ADAM12: variants seen among roughly 807,000 people sequenced by gnomAD.
The protein encoded by ADAM12 is ADAM metallopeptidase domain 12, also known as disintegrin and metalloproteinase domain-containing protein 12.
ADAM12 carries 70 observed loss-of-function variants against 106.4 expected under a neutral mutation model. The ratio of observed to expected loss-of-function variants is 0.66; its 90% CI spans 0.54 to 0.80. The LOEUF is 0.80. Among genes scored for constraint, ADAM12 ranks in the 30% least tolerant of loss-of-function variants. The pLI, the probability that ADAM12 is intolerant of heterozygous loss-of-function variation, is 0.00. For synonymous variants in ADAM12, 420 were observed against 433.5 expected (o/e 0.97, Z 0.39); for missense variants, 1,010 against 1,171.9 (o/e 0.86, Z 2.02).
rs529676933 is a variant in ADAM12, at chr10:126,250,307, C to A, written c.260+28608G>T. On this transcript the variant is annotated intron_variant, in intron 3 of 22. Coordinates refer to ENST00000448723, the MANE Select transcript of ADAM12 (RefSeq NM_001288973.2). ...AACATTTATAGATAAGATTTGAGAACAAACAGTGCTCTCTAAGATAAACCA... is the reference window on the plus strand; with the variant it reads ...AACATTTATAGATAAGATTTGAGAAAAAACAGTGCTCTCTAAGATAAACCA... 3.9e-5 allele frequency among the ~76,000 whole-genome samples: 6 copies of A among 152,270 alleles called. No homozygotes were observed. The South Asian group carries it at 1.0e-3, about 26-fold the overall frequency.
chr10:126,352,457 A>G (rs1027300097), intron 1 of ADAM12, among the ~76,000 whole-genome samples: 4 of 152,260 alleles, frequency 2.6e-5, no homozygotes, highest in Non-Finnish European at 5.9e-5. Context: ...ATAAACTAAG[A>G]AAAGCAAACC....
In ADAM12 at chr10:126,017,288, A is replaced by G. The variant is rs770138209; in HGVS notation, c.2712T>C (p.Tyr904=). The G allele has an allele frequency of 4.1e-5, 65 of 1,594,910 alleles. No homozygotes were observed. Among genetic ancestry groups the G allele is most frequent in the Non-Finnish European group, 5.3e-5 (62 of 1,170,106 alleles). Residue 904 remains tyrosine, a synonymous_variant, in exon 23 of 23, where the codon TAT becomes TAC. Coordinates refer to ENST00000448723, the MANE Select transcript of ADAM12 (RefSeq NM_001288973.2). ...AAAAGGTGTCGGCTTCTCACTTAAT[A>G]TAGGCGGTGTGGGTGGATCTGGGCA... ...HQVPRSTHTA[Y]IK is the part of the protein sequence containing the mutation.
At chr10:126,313,659 C>T (rs1024902802) in intron 2 of ADAM12, among the ~76,000 whole-genome samples, 1 of 152,144 alleles carries the variant, frequency 6.6e-6, no homozygotes, top group Non-Finnish European at 1.5e-5. Context: ...ATCCGTCGAT[C>T]TGTCTGTCTG....
chr10:126,322,341 C>T (rs549112065), intron 2 of ADAM12, among the ~76,000 whole-genome samples: 13 of 152,326 alleles, frequency 8.5e-5, no homozygotes, highest in East Asian at 1.9e-4. Context: ...AAGGCCAAGA[C>T]GGGGATCCCA....
At chr10:126,126,368 GC>G (rs1956206371) in intron 5 of ADAM12, among the ~76,000 whole-genome samples, 1 of 152,124 alleles carries the variant, frequency 6.6e-6, no homozygotes, top group African/African-American at 2.4e-5. Flanking sequence ...TGTGCAACCT[GC>G]TTCCTGTCAC....
rs573501406 is a variant in ADAM12 at position 126,066,481 on chromosome 10, G to T, written c.1413+236C>A. 1.1e-4 allele frequency among the ~76,000 whole-genome samples: 16 copies of T among 152,304 alleles called. No homozygotes were observed. Among genetic ancestry groups the T allele is most frequent in the African/African-American group, 3.8e-4 (16 of 41,570 alleles). On this transcript the variant is annotated intron_variant, in intron 13 of 22. Coordinates refer to ENST00000448723, the MANE Select transcript of ADAM12 (RefSeq NM_001288973.2). The surrounding 1 kb of genome is among the most constrained non-coding windows in gnomAD (Gnocchi z 5.1). ...CTAGGGTTTATCGGTCTGATCAGTT[G>T]TCAGCCCCTAAATAAATAAACACAA...
At chr10:126,264,143 T>C (rs1293349035) in intron 3 of ADAM12, among the ~76,000 whole-genome samples, 1 of 152,238 alleles carries the variant, frequency 6.6e-6, no homozygotes, top group Non-Finnish European at 1.5e-5. Flanking sequence ...GAATAATTGT[T>C]TTCATTTTAC....
chr10:126,258,384 TCCGTGCCCCACACGCCCCAC>T (rs138599367), intron 3 of ADAM12, among the ~76,000 whole-genome samples: 40,411 of 151,726 alleles, frequency 0.27, 5,907 homozygotes, highest in South Asian at 0.41. Flanking sequence ...CCCCACTGCC[TCCGTGCCCCACACGCCCCAC>T]CCGTGCCCCA....
intron 2 of ADAM12, among the ~76,000 whole-genome samples, chr10:126,306,210 T>C (rs1960838748): frequency 6.6e-6 from 1 of 152,048 alleles, no homozygotes. Flanking sequence ...TTCATCTTTC[T>C]CTTATAGCAG....
chr10:126,240,722 A>G (rs757646171), intron 3 of ADAM12, among the ~76,000 whole-genome samples: 5 of 152,186 alleles, frequency 3.3e-5, no homozygotes, highest in Non-Finnish European at 7.3e-5. Flanking sequence ...TTGAACAAAC[A>G]GCAGCTGGAA....
intron 2 of ADAM12, among the ~76,000 whole-genome samples, chr10:126,279,646 G>C (rs1370518246): frequency 6.6e-6 from 1 of 151,888 alleles, no homozygotes; most frequent in African/African-American, 2.4e-5. Flanking sequence ...AGAATCGCTT[G>C]AACCCGGGAG....
intron 1 of ADAM12, among the ~76,000 whole-genome samples, chr10:126,369,808 T>G (rs1054042305): frequency 2.0e-5 from 3 of 152,180 alleles, no homozygotes; most frequent in Non-Finnish European, 4.4e-5. Flanking sequence ...CCCCGCCTCC[T>G]GGTATTCACT....
intron 3 of ADAM12, among the ~76,000 whole-genome samples, chr10:126,180,688 G>C (rs1326327184): frequency 2.6e-5 from 4 of 152,134 alleles, no homozygotes; most frequent in Non-Finnish European, 5.9e-5. Flanking sequence ...GTTTTAATTT[G>C]CTTTTGCATT....
At chr10:126,184,776 C>T (rs1349300752) in intron 3 of ADAM12, among the ~76,000 whole-genome samples, 1 of 152,204 alleles carries the variant, frequency 6.6e-6, no homozygotes, top group South Asian at 2.1e-4. Context: ...AGAACATACA[C>T]AAGATCCACC....
chr10:126,280,732 T>C (rs1959534234), intron 2 of ADAM12, among the ~76,000 whole-genome samples: 1 of 152,224 alleles, frequency 6.6e-6, no homozygotes, highest in Non-Finnish European at 1.5e-5. Context: ...TTTAAATAGT[T>C]ATTTAAACTT....
chr10:126,073,941 A>G (rs868035281), intron 11 of ADAM12, among the ~76,000 whole-genome samples: 16 of 152,368 alleles, frequency 1.1e-4, no homozygotes, highest in Middle Eastern at 3.4e-3. Context: ...AGTAATTGGT[A>G]TATTACACAG....
chr10:126,042,057 A>C lies in ADAM12; in HGVS notation c.2104+983T>G, dbSNP rs371436037. The C allele has an allele frequency of 3.7e-5, 57 of 1,560,604 alleles. 1 individual carries two copies. The East Asian group carries it at 4.4e-4, about 12-fold the overall frequency. On this transcript the variant is annotated intron_variant, in intron 18 of 22. Transcript: ENST00000448723. ...GCAAAGCCACAGAGTCAATGCTGCC[A>C]GTCACAGGAGGCCTTGGGGACGCGT...
chr10:126,123,533 G>A lies in ADAM12; in HGVS notation c.417-5309C>T, dbSNP rs1956148966. On this transcript the variant is annotated intron_variant, in intron 5 of 22. Transcript: ENST00000448723. ...AGGCCAAGTTCTGGGGCAGAGAGAA[G>A]GGGGTTCTCAGGGTGGTCAGGGTCA... is the stretch of plus-strand genomic sequence containing the variant. 2.0e-5 allele frequency among the ~76,000 whole-genome samples: 3 copies of A among 152,222 alleles called. No homozygotes were observed. The South Asian group carries it at 6.2e-4, about 32-fold the overall frequency.
At chr10:126,118,962 AT>A (rs1956037450) in intron 5 of ADAM12, among the ~76,000 whole-genome samples, 1 of 152,240 alleles carries the variant, frequency 6.6e-6, no homozygotes, top group Non-Finnish European at 1.5e-5. Context: ...TAAAAGGACA[AT>A]TCCTACATCT....
Sources: gnomAD v4.1 joint callset for allele counts (sites outside exome capture counted in the v4.1 genomes callset) on GRCh38, gnomAD v4.1.1 for gene constraint, Gnocchi (gnomAD v3.1) non-coding constraint, MANE v1.5 for transcripts, NCBI Gene and HGNC (gene_info 2026-07-23, HGNC 2026-07-21) for gene names.